Variants in ANKFN1 observed in about 807,000 individuals in gnomAD.
ANKFN1 encodes ankyrin repeat and fibronectin type III domain containing 1.
A neutral mutation model predicts 108.7 loss-of-function variants in ANKFN1; 74 were observed. The ratio of observed to expected loss-of-function variants is 0.68; its 90% CI spans 0.56 to 0.83. The LOEUF (loss-of-function observed/expected upper bound fraction) is 0.83. Among genes scored for constraint, ANKFN1 ranks in the 40% least tolerant of loss-of-function variants. The pLI, the probability that ANKFN1 is intolerant of heterozygous loss-of-function variation, is 0.00. For missense variants in ANKFN1, 1,505 were observed against 1,382.3 expected, an observed-to-expected ratio of 1.09 and a Z score of -1.41; for synonymous variants, 547 against 516.2, an observed-to-expected ratio of 1.06 and a Z score of -0.81.
intron 4 of ANKFN1, among the ~76,000 whole-genome samples, chr17:56,100,209 G>A (rs1384203422): frequency 6.6e-6 from 1 of 152,226 alleles, no homozygotes; most frequent in Admixed American, 6.5e-5. Context: ...TTCTGTATCT[G>A]TCCCATCTTC....
intron 3 of ANKFN1, among the ~76,000 whole-genome samples, chr17:56,244,616 G>C (rs1044809772): frequency 1.3e-5 from 2 of 152,118 alleles, no homozygotes; most frequent in African/African-American, 4.8e-5. Context: ...TATATGCTGA[G>C]TCATTTCATG....
intron 1 of ANKFN1, among the ~76,000 whole-genome samples, chr17:56,175,927 G>T (rs1238603507): frequency 6.6e-6 from 1 of 151,946 alleles, no homozygotes. Context: ...AAGATAGTAG[G>T]GGGGTGGGGG....
intron 3 of ANKFN1, among the ~76,000 whole-genome samples, chr17:56,245,489 T>G (rs963034077): frequency 3.9e-5 from 6 of 152,132 alleles, no homozygotes; most frequent in Non-Finnish European, 7.4e-5. Flanking sequence ...TCACTGCTAG[T>G]TTTGACAATT....
chr17:56,109,464 C>A (rs1048957462), intron 4 of ANKFN1, among the ~76,000 whole-genome samples: 1 of 152,142 alleles, frequency 6.6e-6, no homozygotes, highest in Non-Finnish European at 1.5e-5. Flanking sequence ...CCACCTCCCC[C>A]GTGGTGACAA....
intron 14 of ANKFN1, among the ~76,000 whole-genome samples, chr17:56,458,384 G>C (rs889565064): frequency 1.3e-5 from 2 of 151,936 alleles, no homozygotes; most frequent in African/African-American, 4.8e-5. Context: ...GCATTAATGA[G>C]TATATGAAGA....
intron 20 of ANKFN1, among the ~76,000 whole-genome samples, chr17:56,506,974 T>A (rs910065803): frequency 1.3e-5 from 2 of 152,238 alleles, no homozygotes; most frequent in African/African-American, 4.8e-5. Context: ...GTTCTTAGCA[T>A]CATGGCTGGC....
chr17:56,474,591 T>C (rs545878589), intron 15 of ANKFN1, among the ~76,000 whole-genome samples: 1 of 152,332 alleles, frequency 6.6e-6, no homozygotes, highest in East Asian at 1.9e-4. Context: ...TTCTGGTCTT[T>C]AGGGACTTCT....
chr17:56,400,207 G>T (rs1438385289), intron 8 of ANKFN1, among the ~76,000 whole-genome samples: 1 of 151,986 alleles, frequency 6.6e-6, no homozygotes, highest in African/African-American at 2.4e-5. Context: ...CATCAGCAGT[G>T]TAGAAATGTT....
At chr17:56,439,382 T>C (rs568375192) in intron 8 of ANKFN1, among the ~76,000 whole-genome samples, 1 of 152,284 alleles carries the variant, frequency 6.6e-6, no homozygotes, top group South Asian at 2.1e-4. Context: ...CCACCAGGTA[T>C]AAGCAATTAC....
chr17:56,425,079 T>C (rs2048518257), intron 8 of ANKFN1, among the ~76,000 whole-genome samples: 2 of 151,372 alleles, frequency 1.3e-5, no homozygotes, highest in African/African-American at 4.9e-5. Context: ...GACCACGATA[T>C]ATGATTTGGA....
intron 3 of ANKFN1, among the ~76,000 whole-genome samples, chr17:56,310,585 C>T (rs2044989650): frequency 6.6e-6 from 1 of 151,034 alleles, no homozygotes; most frequent in South Asian, 2.1e-4. Flanking sequence ...CCACTGCACT[C>T]CAGCCTAGGC....
chr17:56,169,689 A>C (rs1048118269), intron 1 of ANKFN1, among the ~76,000 whole-genome samples: 1 of 152,172 alleles, frequency 6.6e-6, no homozygotes, highest in Non-Finnish European at 1.5e-5. Context: ...TCAGAGTGGC[A>C]GAACAGGCTT....
At chr17:56,081,211 T>C (rs1274931197) in intron 4 of ANKFN1, among the ~76,000 whole-genome samples, 1 of 151,488 alleles carries the variant, frequency 6.6e-6, no homozygotes, top group Non-Finnish European at 1.5e-5. Flanking sequence ...AGAACAGGAG[T>C]GAAAGTTTAT....
At chr17:56,325,805 C>A (rs968026123) in intron 3 of ANKFN1, among the ~76,000 whole-genome samples, 1 of 152,210 alleles carries the variant, frequency 6.6e-6, no homozygotes, top group Admixed American at 6.5e-5. Flanking sequence ...TTTGCACTCA[C>A]AGATTGCTGG....
chr17:56,360,577 A>G (rs931560270), intron 6 of ANKFN1, among the ~76,000 whole-genome samples: 2 of 152,220 alleles, frequency 1.3e-5, no homozygotes, highest in African/African-American at 4.8e-5. Context: ...GTCCCCAGCA[A>G]ACAGTAGACA....
Position 56,515,348 on chromosome 17 carries a change from G to A in ANKFN1, c.*4079G>A, listed in dbSNP as rs1006869720. On this transcript the variant is annotated 3_prime_UTR_variant, in exon 21 of 21. Coordinates refer to ENST00000682825, the MANE Select transcript of ANKFN1 (RefSeq NM_001370326.1). The stretch of plus-strand genomic sequence containing the variant: ...CTCTGAGAATTTAAACTGTTGCATG[G>A]TCACTTTACAAAGTCTAAATATTTT... Among the ~76,000 whole-genome samples, 1 of 152,152 alleles carries A rather than the reference G, an allele frequency of 6.6e-6. No individual in the cohort carries two copies. The highest frequency in any genetic ancestry group is 1.5e-5 in the Non-Finnish European group (1 of 68,020).
At chr17:56,106,272 G>A (rs955683984) in intron 4 of ANKFN1, among the ~76,000 whole-genome samples, 3 of 152,086 alleles carry the variant, frequency 2.0e-5, no homozygotes, top group Non-Finnish European at 4.4e-5. Context: ...CATCCCTTTT[G>A]TACCTTTGTA....
At chr17:56,476,757 A>G (rs1200048053) in intron 15 of ANKFN1, among the ~76,000 whole-genome samples, 1 of 152,232 alleles carries the variant, frequency 6.6e-6, no homozygotes, top group Non-Finnish European at 1.5e-5. Flanking sequence ...GAAGACTTCA[A>G]ATACTTTTAT....
chr17:56,219,628 T>C (rs751492559), intron 2 of ANKFN1, among the ~76,000 whole-genome samples: 11 of 152,258 alleles, frequency 7.2e-5, no homozygotes, highest in Admixed American at 4.6e-4. Context: ...GAGAATGCCA[T>C]GTTTAAGTGA....
Sources: gnomAD v4.1 joint callset for allele counts (sites outside exome capture counted in the v4.1 genomes callset) on GRCh38, gnomAD v4.1.1 for gene constraint, MANE v1.5 for transcripts, NCBI Gene and HGNC (gene_info 2026-07-23, HGNC 2026-07-21) for gene names.